Variants in OSBPL8 observed in about 807,000 individuals in gnomAD.
OSBPL8 encodes the protein oxysterol binding protein like 8.
In OSBPL8, 59 loss-of-function variants were observed where a neutral mutation model predicts 125.5. The ratio of observed to expected loss-of-function variants is 0.47; its 90% CI spans 0.38 to 0.58. The LOEUF (loss-of-function observed/expected upper bound fraction) is 0.58, where lower values mean the gene tolerates loss of function less well. OSBPL8 is among the 20% of genes least tolerant of loss of function. OSBPL8 has a pLI of 0.00. For synonymous variants in OSBPL8, 330 were observed against 338.9 expected, an observed-to-expected ratio of 0.97 and a Z score of 0.29; for missense variants, 758 against 1,047.8, an observed-to-expected ratio of 0.72 and a Z score of 3.82.
At position 76,492,627 on chromosome 12, in the gene OSBPL8, T is replaced by C. The variant is rs545919598; in HGVS notation, c.-67-5009A>G. 2.1e-4 allele frequency among the ~76,000 whole-genome samples: 32 copies of C among 152,284 alleles called. No individual in the cohort carries two copies. In the East Asian group the frequency reaches 4.1e-3, roughly 19 times the overall value. On this transcript the variant is annotated intron_variant, in intron 1 of 23. Coordinates refer to ENST00000261183, the MANE Select transcript of OSBPL8 (RefSeq NM_020841.5). The stretch of plus-strand genomic sequence containing the variant: ...TAGATTCTCATAGGAGCATGAACAC[T>C]ATTGTGAACTGTGCACACGAAGAAT...
Position 76,450,868 on chromosome 12 carries a change from G to C in OSBPL8, c.200C>G (p.Ala67Gly), listed in dbSNP as rs138597334. The C allele has an allele frequency of 1.9e-6, 3 of 1,611,626 alleles. No individual in the cohort carries two copies. The highest frequency in any genetic ancestry group is 2.7e-5 in the African/African-American group (2 of 74,776). Residue 67 changes from alanine to glycine, a missense_variant, in exon 4 of 24, where the codon GCA becomes GGA. This residue lies in a region of OSBPL8 where 117 missense variants were observed against 137.1 expected (regional missense o/e 0.85). Coordinates refer to ENST00000261183, the MANE Select transcript of OSBPL8 (RefSeq NM_020841.5). ...CTTCCTACCCTGGCTATGAGGACTT[G>C]CTGGACTAAGAGATGGCTGATGCAA... is the stretch of plus-strand genomic sequence containing the variant. ...KDLHQPSLSP[A>G]SPHSQGFERG... is the part of the protein sequence containing the mutation.
At chr12:76,363,996 A>ACT (rs1592523799) in intron 21 of OSBPL8, among the ~76,000 whole-genome samples, 1 of 152,354 alleles carries the variant, frequency 6.6e-6, no homozygotes, top group East Asian at 1.9e-4. Flanking sequence ...AAAAGTCAGG[A>ACT]AACAACAGAT....
At chr12:76,372,615 A>G (rs1199715151) in intron 18 of OSBPL8, among the ~76,000 whole-genome samples, 2 of 152,148 alleles carry the variant, frequency 1.3e-5, no homozygotes, top group East Asian at 1.9e-4. Flanking sequence ...TCACTTTCTC[A>G]TATTTCTCAA....
At chr12:76,484,810 T>C (rs1310440174) in intron 2 of OSBPL8, among the ~76,000 whole-genome samples, 1 of 152,208 alleles carries the variant, frequency 6.6e-6, no homozygotes, top group African/African-American at 2.4e-5. Flanking sequence ...ATACAGAATA[T>C]TTCAGTAGTT....
At position 76,451,004 on chromosome 12, in the gene OSBPL8, G is replaced by C; in HGVS notation, c.80-16C>G. ...GCTACAACAGCTCAAGGAAAGAAGG[G>C]AAAAATAATTAGTACTGAAGTCACA... On this transcript the variant is annotated splice_polypyrimidine_tract_variant and intron_variant, in intron 3 of 23. Transcript: ENST00000261183. 4 of 1,608,818 alleles carry C rather than the reference G, an allele frequency of 2.5e-6. 1 individual carries two copies. The highest frequency in any genetic ancestry group is 1.7e-4 in the Middle Eastern group (1 of 6,030).
At chr12:76,452,247 A>G (rs761378448) in intron 3 of OSBPL8, among the ~76,000 whole-genome samples, 1 of 152,220 alleles carries the variant, frequency 6.6e-6, no homozygotes, top group Non-Finnish European at 1.5e-5. Flanking sequence ...CTGTTGCGAT[A>G]GTTTTCAAAA....
intron 2 of OSBPL8, among the ~76,000 whole-genome samples, chr12:76,478,652 G>A (rs73385510): frequency 0.09 from 13,613 of 151,644 alleles, 710 homozygotes; most frequent in Admixed American, 0.12. Flanking sequence ...AAAGAAAAAC[G>A]ATATAATGAG....
chr12:76,526,182 T>C (rs143608268), intron 1 of OSBPL8, among the ~76,000 whole-genome samples: 1 of 152,372 alleles, frequency 6.6e-6, no homozygotes, highest in African/African-American at 2.4e-5. Flanking sequence ...GAGTATTACA[T>C]GTCGTCTTAT....
At chr12:76,392,804 G>T in intron 9 of OSBPL8, 52 bp from the exon 10 acceptor site, 1 of 1,504,620 alleles carries the variant, frequency 6.6e-7, no homozygotes. Flanking sequence ...TATGAAACTA[G>T]CATGCATCTT....
intron 16 of OSBPL8, among the ~76,000 whole-genome samples, chr12:76,376,348 A>G (rs1240637399): frequency 6.6e-6 from 1 of 152,224 alleles, no homozygotes; most frequent in Non-Finnish European, 1.5e-5. Flanking sequence ...ATCTTTTGAG[A>G]GGGGAACAGA....
intron 2 of OSBPL8, among the ~76,000 whole-genome samples, chr12:76,483,052 C>A (rs1030018201): frequency 2.0e-5 from 3 of 151,932 alleles, no homozygotes; most frequent in African/African-American, 7.2e-5. Context: ...ATGAGGTCAG[C>A]AGTTCAAGAC....
Position 76,371,542 on chromosome 12 carries a change from C to T in OSBPL8, c.1960G>A (p.Glu654Lys). Residue 654 changes from glutamate (E) to lysine (K), a missense_variant, in exon 19 of 24, where the codon GAG (glutamate) becomes AAG (lysine). Transcript: ENST00000261183. ...TCAGGTGTTGGATTCCAGAAAACCTCTGAATTATCAGTCTTTTTATCAGTA... is the reference window on the plus strand; with the variant it reads ...TCAGGTGTTGGATTCCAGAAAACCTTTGAATTATCAGTCTTTTTATCAGTA... Reference protein sequence around the residue: ...FITDKKTDNSEVFWNPTPDIK... With the variant: ...FITDKKTDNSKVFWNPTPDIK... 6.2e-7 allele frequency: 1 copy of T among 1,610,488 alleles called. No homozygotes were observed. The highest frequency in any genetic ancestry group is 8.5e-7 in the Non-Finnish European group (1 of 1,178,312).
At position 76,473,634 on chromosome 12, in the gene OSBPL8, T is replaced by C. The variant is rs537539181; in HGVS notation, c.43-13739A>G. On this transcript the variant is annotated intron_variant, in intron 2 of 23. Transcript: ENST00000261183. ...ACATTCAACTGGTTGCCCCCAATAC[T>C]CCACAATTTTGCCATGCTGATATTC... Among the ~76,000 whole-genome samples the C allele has an allele frequency of 1.4e-3, 220 of 152,308 alleles. 1 individual carries two copies. Among genetic ancestry groups the C allele is most frequent in the African/African-American group, 5.1e-3 (213 of 41,566 alleles).
At chr12:76,498,005 A>G (rs1553944) in intron 1 of OSBPL8, among the ~76,000 whole-genome samples, 31,400 of 152,238 alleles carry the variant, frequency 0.21, 3,469 homozygotes, top group Non-Finnish European at 0.26. Context: ...TTCCATTTTA[A>G]GGATATGGAT....
intron 5 of OSBPL8, among the ~76,000 whole-genome samples, chr12:76,408,461 CAAAAA>C (rs71082306): frequency 1.4e-5 from 1 of 73,270 alleles, no homozygotes; most frequent in Admixed American, 1.6e-4. Flanking sequence ...GACTCCTTCT[CAAAAA>C]AAAAAAAAAA....
Position 76,405,537 on chromosome 12 carries a change from T to C in OSBPL8, c.289-2771A>G, listed in dbSNP as rs148059524. On this transcript the variant is annotated intron_variant, in intron 5 of 23. Transcript: ENST00000261183. Reference sequence around the variant, plus strand: ...GTTATTCCTAAAAGATTACTGTACATAGGGGACCAGCAGGTCAGAAGGGTG... The same window carrying C: ...GTTATTCCTAAAAGATTACTGTACACAGGGGACCAGCAGGTCAGAAGGGTG... Among the ~76,000 whole-genome samples the C allele has an allele frequency of 2.5e-3, 374 of 152,216 alleles. 4 individuals carry two copies. The highest frequency in any genetic ancestry group is 0.014 in the Middle Eastern group (4 of 294).
intron 1 of OSBPL8, among the ~76,000 whole-genome samples, chr12:76,492,568 A>C (rs1180625878): frequency 1.3e-5 from 2 of 152,148 alleles, no homozygotes. Context: ...TTGCATTACC[A>C]CCTGAGCTCC....
chr12:76,357,366 G>A (rs1488451544), intron 22 of OSBPL8, among the ~76,000 whole-genome samples: 1 of 152,126 alleles, frequency 6.6e-6, no homozygotes, highest in African/African-American at 2.4e-5. Flanking sequence ...AATGTCTGCT[G>A]ATACATTATA....
At chr12:76,444,788 T>C (rs1286811961) in intron 4 of OSBPL8, among the ~76,000 whole-genome samples, 2 of 152,248 alleles carry the variant, frequency 1.3e-5, no homozygotes, top group South Asian at 4.1e-4. Flanking sequence ...TGGAGTGAAA[T>C]CTATATCTAA....
Sources: gnomAD v4.1 joint callset for allele counts (sites outside exome capture counted in the v4.1 genomes callset) on GRCh38, gnomAD v4.1.1 for gene constraint, gnomAD v4.1.1 regional missense constraint, MANE v1.5 for transcripts, NCBI Gene and HGNC (gene_info 2026-07-23, HGNC 2026-07-21) for gene names.